The following STPG2 variants were observed in gnomAD, a reference collection of about 807,000 sequenced individuals.
STPG2 encodes sperm-tail PG-rich repeat-containing protein 2.
Under a neutral mutation model 54.2 loss-of-function variants are expected in STPG2, and 56 were observed. That is an observed-to-expected ratio of 1.03 (90% CI 0.83 to 1.29). The LOEUF is 1.29. Ranked by LOEUF, STPG2 falls within the 50% of genes most tolerant of loss-of-function variation. The pLI is 0.00. For synonymous variants in STPG2, 200 were observed against 181.8 expected (o/e 1.10, Z -0.81); for missense variants, 596 against 544.9 (o/e 1.09, Z -0.93).
At chr4:97,910,742 A>C (rs1054969118) in intron 8 of STPG2, among the ~76,000 whole-genome samples, 2 of 152,260 alleles carry the variant, frequency 1.3e-5, no homozygotes, top group African/African-American at 2.4e-5. Flanking sequence ...ACAGATGACA[A>C]CACCAAGATG....
At chr4:98,034,130 G>A (rs1736691536) in intron 5 of STPG2, among the ~76,000 whole-genome samples, 2 of 151,968 alleles carry the variant, frequency 1.3e-5, no homozygotes, top group Non-Finnish European at 2.9e-5. Context: ...AAAAATAAAC[G>A]GTATTCAATT....
At chr4:97,861,671 AG>A (rs1428154176) in intron 8 of STPG2, among the ~76,000 whole-genome samples, 4 of 152,192 alleles carry the variant, frequency 2.6e-5, no homozygotes, top group Non-Finnish European at 5.9e-5. Flanking sequence ...GCAGCCAGAG[AG>A]AAAGGTCGGG....
intron 9 of STPG2, among the ~76,000 whole-genome samples, chr4:97,795,958 G>A (rs1233806190): frequency 6.6e-6 from 1 of 152,160 alleles, no homozygotes; most frequent in Non-Finnish European, 1.5e-5. Context: ...CAGTGATGAT[G>A]AGCATTTTTT....
At chr4:97,864,879 G>C (rs1412310138) in intron 8 of STPG2, among the ~76,000 whole-genome samples, 2 of 152,066 alleles carry the variant, frequency 1.3e-5, no homozygotes, top group Non-Finnish European at 2.9e-5. Context: ...TGGGAAAACT[G>C]GCTAGCCATA....
At chr4:97,654,057 G>T (rs1405048595) in intron 10 of STPG2, among the ~76,000 whole-genome samples, 1 of 152,164 alleles carries the variant, frequency 6.6e-6, no homozygotes, top group Non-Finnish European at 1.5e-5. Context: ...TCATTCCAGG[G>T]TGCTTGTGTT....
At chr4:97,887,292 G>C (rs539327996) in intron 8 of STPG2, among the ~76,000 whole-genome samples, 2 of 152,302 alleles carry the variant, frequency 1.3e-5, no homozygotes, top group Admixed American at 6.5e-5. Context: ...GAAATTACTA[G>C]AGACTGGTTC....
intron 4 of STPG2, among the ~76,000 whole-genome samples, chr4:97,451,863 A>C (rs1023291404): frequency 6.6e-6 from 1 of 152,220 alleles, no homozygotes; most frequent in Non-Finnish European, 1.5e-5. Context: ...AGAGAAAATC[A>C]TGTGTTAATG....
At chr4:97,628,202 T>C (rs1004604551) in intron 10 of STPG2, among the ~76,000 whole-genome samples, 1 of 152,132 alleles carries the variant, frequency 6.6e-6, no homozygotes. Context: ...CTTGGAGAAC[T>C]GTGTGTAAGG....
chr4:97,860,709 C>A (rs1729500082), intron 8 of STPG2, among the ~76,000 whole-genome samples: 1 of 151,954 alleles, frequency 6.6e-6, no homozygotes, highest in Non-Finnish European at 1.5e-5. Context: ...GATACATGAC[C>A]GTATCATCAG....
intron 7 of STPG2, among the ~76,000 whole-genome samples, chr4:97,953,702 C>A (rs952613985): frequency 4.6e-5 from 7 of 152,338 alleles, no homozygotes; most frequent in Non-Finnish European, 8.8e-5. Context: ...CCCCCATGGG[C>A]AGATTGCCAG....
chr4:97,493,123 G>C (rs1008324363), intron 4 of STPG2, among the ~76,000 whole-genome samples: 40 of 150,962 alleles, frequency 2.6e-4, no homozygotes, highest in African/African-American at 7.3e-4. Flanking sequence ...GCCACCTAGA[G>C]ACCAAGAGAC....
chr4:97,744,340 G>T (rs1385977081), intron 9 of STPG2, among the ~76,000 whole-genome samples: 2 of 151,190 alleles, frequency 1.3e-5, no homozygotes, highest in Non-Finnish European at 3.0e-5. Flanking sequence ...GTCTTATCTT[G>T]ATGTCAAATG....
At chr4:97,461,916 G>A (rs911875679) in intron 4 of STPG2, among the ~76,000 whole-genome samples, 1 of 151,316 alleles carries the variant, frequency 6.6e-6, no homozygotes, top group Non-Finnish European at 1.5e-5. Flanking sequence ...TCATTTTAAT[G>A]GTATCTTTTA....
At chr4:97,697,022 T>C (rs1723598425) in intron 10 of STPG2, among the ~76,000 whole-genome samples, 1 of 152,178 alleles carries the variant, frequency 6.6e-6, no homozygotes, top group Admixed American at 6.5e-5. Context: ...TGTGGAATCA[T>C]TATTGATTGG....
chr4:97,452,906 T>C (rs918201411), intron 4 of STPG2, among the ~76,000 whole-genome samples: 22 of 152,350 alleles, frequency 1.4e-4, no homozygotes, highest in Middle Eastern at 3.4e-3. Flanking sequence ...AGCGTTCTAT[T>C]GCTCAATATA....
At chr4:97,697,656 CAAAACTGGCCAT>C (rs1214006075) in intron 10 of STPG2, among the ~76,000 whole-genome samples, 1 of 152,144 alleles carries the variant, frequency 6.6e-6, no homozygotes, top group Non-Finnish European at 1.5e-5. Context: ...AAACTGGCCA[CAAAACTGGCCAT>C]AAACAAAATC....
intron 10 of STPG2, among the ~76,000 whole-genome samples, chr4:97,690,922 C>A (rs1723343529): frequency 6.6e-6 from 1 of 152,126 alleles, no homozygotes; most frequent in African/African-American, 2.4e-5. Flanking sequence ...TTGAATCAAT[C>A]CTCTCAGAAA....
chr4:97,924,858 G>C (rs77190236), intron 8 of STPG2, among the ~76,000 whole-genome samples: 3 of 152,046 alleles, frequency 2.0e-5, no homozygotes, highest in African/African-American at 7.2e-5. Context: ...TTAATATATT[G>C]TCCCTCTTTT....
chr4:97,495,063 A>C lies in STPG2; in HGVS notation c.462+217636T>G, dbSNP rs1205843907. Among the ~76,000 whole-genome samples, 3 of 151,564 alleles carry C rather than the reference A, an allele frequency of 2.0e-5. No individual in the cohort carries two copies. In the East Asian group the frequency reaches 5.8e-4, roughly 29 times the overall value. Reference sequence around the variant, plus strand: ...TCTATAACATAAATCTTCAGAACTCATATTTTAGTGTTTCAGAGAACAATT... The same window carrying C: ...TCTATAACATAAATCTTCAGAACTCCTATTTTAGTGTTTCAGAGAACAATT... On this transcript the variant is annotated intron_variant, in intron 4 of 4. Transcript: ENST00000522676.
Sources: allele counts gnomAD v4.1 joint callset (sites outside exome capture counted in the v4.1 genomes callset), GRCh38; gene constraint gnomAD v4.1.1; transcripts MANE v1.5; gene names NCBI Gene and HGNC (gene_info 2026-07-23, HGNC 2026-07-21).